Variants in WWC1 observed in about 807,000 individuals in gnomAD.
WWC1 encodes the protein protein KIBRA.
Under a neutral mutation model 138.4 loss-of-function variants are expected in WWC1, and 55 were observed. The observed-to-expected ratio is 0.40, with a 90% CI of 0.32 to 0.50. The LOEUF (loss-of-function observed/expected upper bound fraction) is 0.50. Ranked by LOEUF, WWC1 falls within the 20% of genes least tolerant of loss-of-function variation. WWC1 has a pLI of 0.72. For synonymous variants in WWC1, 524 were observed against 564.9 expected (o/e 0.93, Z 1.03); for missense variants, 1,226 against 1,420.4 (o/e 0.86, Z 2.20).
chr5:168,417,132 G>A lies in WWC1; in HGVS notation c.1184+2542G>A, dbSNP rs60546702. On this transcript the variant is annotated intron_variant, in intron 9 of 22. Coordinates refer to ENST00000265293, the MANE Select transcript of WWC1 (RefSeq NM_015238.3). ...TCCACGTGCCTCGGCCTTCCAAAGTGCTGAGATTACAGGCATGACCCACTG... is the reference window on the plus strand; with the variant it reads ...TCCACGTGCCTCGGCCTTCCAAAGTACTGAGATTACAGGCATGACCCACTG... Among the ~76,000 whole-genome samples the A allele has an allele frequency of 3.4e-3, 521 of 152,204 alleles. 3 individuals carry two copies. The highest frequency in any genetic ancestry group is 0.012 in the African/African-American group (508 of 41,516).
intron 9 of WWC1, among the ~76,000 whole-genome samples, chr5:168,420,755 T>C (rs1246473203): frequency 6.6e-6 from 1 of 152,156 alleles, no homozygotes; most frequent in East Asian, 1.9e-4. Context: ...TCCCTCAGCC[T>C]CAGCTGCTCC....
chr5:168,450,817 GA>G (rs1244462902), intron 17 of WWC1, among the ~76,000 whole-genome samples: 5 of 151,938 alleles, frequency 3.3e-5, no homozygotes, highest in Admixed American at 1.3e-4. Context: ...AACTATAAAA[GA>G]AAAAAATCAA....
intron 1 of WWC1, among the ~76,000 whole-genome samples, chr5:168,326,932 A>G (rs1039678053): frequency 6.6e-6 from 1 of 152,264 alleles, no homozygotes; most frequent in African/African-American, 2.4e-5. Context: ...TTGAAGGGAC[A>G]GAGCTGCTGA....
intron 1 of WWC1, among the ~76,000 whole-genome samples, chr5:168,297,034 A>G (rs1769597778): frequency 1.3e-5 from 2 of 152,290 alleles, no homozygotes; most frequent in South Asian, 4.1e-4. Flanking sequence ...GCCACTTGCT[A>G]CCTGAGTTAC....
intron 3 of WWC1, among the ~76,000 whole-genome samples, chr5:168,389,892 G>A (rs1432238297): frequency 2.0e-5 from 3 of 152,088 alleles, no homozygotes; most frequent in Non-Finnish European, 2.9e-5. Context: ...TTGTGATAAC[G>A]AAAAATGTCT....
At chr5:168,467,401 A>G (rs1757391906) in intron 21 of WWC1, among the ~76,000 whole-genome samples, 1 of 152,184 alleles carries the variant, frequency 6.6e-6, no homozygotes, top group Non-Finnish European at 1.5e-5. Flanking sequence ...CATTAGGAGG[A>G]AGGGGCATAG....
chr5:168,447,815 C>G (rs563229994), intron 17 of WWC1, among the ~76,000 whole-genome samples: 2 of 152,076 alleles, frequency 1.3e-5, no homozygotes, highest in South Asian at 4.2e-4. Flanking sequence ...GTCTGTTTCT[C>G]CCCACTGACC....
intron 1 of WWC1, among the ~76,000 whole-genome samples, chr5:168,352,971 G>T (rs767639168): frequency 2.0e-5 from 3 of 152,110 alleles, no homozygotes; most frequent in East Asian, 1.9e-4. Flanking sequence ...TAACTCTTAG[G>T]TCAATGCCTA....
intron 14 of WWC1, among the ~76,000 whole-genome samples, chr5:168,430,743 G>A (rs888887): frequency 0.023 from 3,528 of 152,272 alleles, 143 homozygotes; most frequent in African/African-American, 0.08. Flanking sequence ...TCCTCCCATG[G>A]TAGATGGGTT....
chr5:168,465,548 C>CTGTTTTTTTTT (rs1757200689), intron 21 of WWC1, among the ~76,000 whole-genome samples: 1 of 46,932 alleles, frequency 2.1e-5, no homozygotes, highest in Non-Finnish European at 3.8e-5. Flanking sequence ...ATCAGCTGGG[C>CTGTTTTTTTTT]TTTTTTTTTT....
chr5:168,326,889 A>G (rs1192490986), intron 1 of WWC1, among the ~76,000 whole-genome samples: 8 of 143,672 alleles, frequency 5.6e-5, no homozygotes, highest in African/African-American at 7.3e-5. Context: ...AAAAATAAGC[A>G]TGTGGGAAAG....
chr5:168,341,702 T>TA (rs3832365), intron 1 of WWC1, among the ~76,000 whole-genome samples: 69,505 of 146,006 alleles, frequency 0.48, 16,595 homozygotes, highest in South Asian at 0.61. Context: ...TTTGCTGATT[T>TA]AAAAAAAAAA....
chr5:168,314,649 G>T (rs1771414210), intron 1 of WWC1, among the ~76,000 whole-genome samples: 1 of 152,194 alleles, frequency 6.6e-6, no homozygotes, highest in Non-Finnish European at 1.5e-5. Flanking sequence ...TTGGTTGGGT[G>T]AGCTGGGACC....
In WWC1 at chr5:168,305,521, T is replaced by TAG. The variant is rs1277955488; in HGVS notation, c.119+13252_119+13253dup. On this transcript the variant is annotated intron_variant, in intron 1 of 22. Coordinates refer to ENST00000265293, the MANE Select transcript of WWC1 (RefSeq NM_015238.3). ...GGATAGCTCAGTGGCTGGCATGCAGTAGAAGCACATTAAGCCAGGGTTGAA... is the reference window on the plus strand; with the variant it reads ...GGATAGCTCAGTGGCTGGCATGCAGTAGAGAAGCACATTAAGCCAGGGTTGAA... Among the ~76,000 whole-genome samples the TAG allele has an allele frequency of 2.6e-5, 4 of 152,312 alleles. No individual in the cohort carries two copies. The East Asian group carries it at 7.7e-4, about 29-fold the overall frequency.
At chr5:168,370,086 A>G (rs557740039) in intron 1 of WWC1, among the ~76,000 whole-genome samples, 1 of 82,608 alleles carries the variant, frequency 1.2e-5, no homozygotes, top group South Asian at 4.6e-4. Flanking sequence ...TTTTTAGTAG[A>G]GAGAGTTTCA....
chr5:168,371,430 C>G lies in WWC1; in HGVS notation c.126C>G (p.Thr42=), dbSNP rs1776742791. The G allele has an allele frequency of 6.2e-7, 1 of 1,613,736 alleles. No individual in the cohort carries two copies. Among genetic ancestry groups the G allele is most frequent in the Admixed American group, 1.7e-5 (1 of 59,986 alleles). Residue 42 remains threonine (T), a synonymous_variant, in exon 2 of 23, where the codon ACC becomes ACG. Coordinates refer to ENST00000265293, the MANE Select transcript of WWC1 (RefSeq NM_015238.3). The stretch of plus-strand genomic sequence containing the variant: ...TTCTCCTCTCCCTTGCCAGGTACAC[C>G]AAACCGCTCACCTTTGCTGACTGCA... ...TSWIDPRDRY[T]KPLTFADCIS...
rs112673520 is a variant in WWC1 at position 168,361,526 on chromosome 5, A to G, written c.120-9898A>G. Among the ~76,000 whole-genome samples, 1,456 of 152,252 alleles carry G rather than the reference A, an allele frequency of 9.6e-3. 4 individuals are homozygous for G. Among genetic ancestry groups the G allele is most frequent in the Non-Finnish European group, 0.013 (913 of 68,024 alleles). On this transcript the variant is annotated intron_variant, in intron 1 of 22. Coordinates refer to ENST00000265293, the MANE Select transcript of WWC1 (RefSeq NM_015238.3). Reference sequence around the variant, plus strand: ...TAGTTAGCCTGGGAAAATGCTATCAATACCTATTTCTTGGAGGCTGTTCAG... The same window carrying G: ...TAGTTAGCCTGGGAAAATGCTATCAGTACCTATTTCTTGGAGGCTGTTCAG...
At chr5:168,410,701 G>T (rs904511441) in intron 8 of WWC1, among the ~76,000 whole-genome samples, 2 of 152,042 alleles carry the variant, frequency 1.3e-5, no homozygotes, top group African/African-American at 2.4e-5. Flanking sequence ...ACTACCCTTG[G>T]CTGAGATTGT....
intron 19 of WWC1, among the ~76,000 whole-genome samples, chr5:168,457,140 ATTTT>A (rs34063177): frequency 8.4e-6 from 1 of 119,476 alleles, no homozygotes; most frequent in African/African-American, 3.0e-5. Context: ...TAGAAAGGGC[ATTTT>A]TTTTTTTTTT....
Sources: allele counts gnomAD v4.1 joint callset (sites outside exome capture counted in the v4.1 genomes callset), GRCh38; gene constraint gnomAD v4.1.1; transcripts MANE v1.5; gene names NCBI Gene and HGNC (gene_info 2026-07-23, HGNC 2026-07-21).